The following MYT1L variants were observed in gnomAD, a reference collection of about 807,000 sequenced individuals.
MYT1L encodes the protein myelin transcription factor 1-like protein.
Under a neutral mutation model 126.7 loss-of-function variants are expected in MYT1L, and 12 were observed. The observed-to-expected ratio is 0.09, with a 90% CI of 0.06 to 0.15. The LOEUF (loss-of-function observed/expected upper bound fraction) is 0.15, where lower values mean the gene tolerates loss of function less well. Ranked by LOEUF, MYT1L falls within the 10% of genes least tolerant of loss-of-function variation. The probability of loss-of-function intolerance (pLI) is 1.00; values close to 1 mark genes in which losing one functional copy is unlikely to be tolerated. For synonymous variants in MYT1L, 541 were observed against 604.2 expected (o/e 0.90, Z 1.53); for missense variants, 979 against 1,585.2 (o/e 0.62, Z 6.49).
chr2:2,219,348 G>A (rs1430447347), intron 2 of MYT1L, among the ~76,000 whole-genome samples: 5 of 152,328 alleles, frequency 3.3e-5, no homozygotes, highest in Non-Finnish European at 7.4e-5. Flanking sequence ...GTTAAGGTGA[G>A]ACACTGCCTC....
intron 14 of MYT1L, among the ~76,000 whole-genome samples, chr2:1,895,472 C>T (rs779643565): frequency 6.6e-6 from 1 of 152,186 alleles, no homozygotes; most frequent in Non-Finnish European, 1.5e-5. Context: ...GATAAGGCTA[C>T]AGTAACCAAA....
intron 9 of MYT1L, among the ~76,000 whole-genome samples, chr2:1,937,286 G>C (rs1232096117): frequency 6.6e-6 from 1 of 152,250 alleles, no homozygotes; most frequent in African/African-American, 2.4e-5. Context: ...CGCACATCAA[G>C]AAGTTCCTAA....
chr2:2,032,518 A>G (rs2066443330), intron 4 of MYT1L, among the ~76,000 whole-genome samples: 1 of 143,568 alleles, frequency 7.0e-6, no homozygotes, highest in African/African-American at 2.6e-5. Flanking sequence ...GGCCCAGAGA[A>G]GATTCTAGAA....
intron 4 of MYT1L, among the ~76,000 whole-genome samples, chr2:2,024,792 A>AGGTGTTCT (rs1342844268): frequency 2.6e-5 from 4 of 152,194 alleles, no homozygotes; most frequent in Non-Finnish European, 5.9e-5. Context: ...AATATCATCA[A>AGGTGTTCT]GGTGTTCTCA....
At chr2:2,047,700 TACA>T (rs1250647587) in intron 4 of MYT1L, among the ~76,000 whole-genome samples, 1 of 152,228 alleles carries the variant, frequency 6.6e-6, no homozygotes, top group East Asian at 1.9e-4. Context: ...GAAGTCTACA[TACA>T]ACAAGCTTAA....
intron 4 of MYT1L, among the ~76,000 whole-genome samples, chr2:1,998,576 G>T (rs2062077240): frequency 6.6e-6 from 1 of 152,162 alleles, no homozygotes; most frequent in Non-Finnish European, 1.5e-5. Flanking sequence ...GTTAATAAGG[G>T]ATGGAGCATG....
chr2:1,969,223 G>A (rs1027784035), intron 8 of MYT1L, among the ~76,000 whole-genome samples: 5 of 152,170 alleles, frequency 3.3e-5, no homozygotes, highest in East Asian at 3.9e-4. Flanking sequence ...CGGGGGATGC[G>A]GGCAGGTGGG....
At position 1,912,136 on chromosome 2, in the gene MYT1L, A is replaced by G. The variant is rs767327581; in HGVS notation, c.1619-26T>C. On this transcript the variant is annotated intron_variant, in intron 11 of 24. Transcript: ENST00000647738. The surrounding 1 kb of genome is among the most constrained non-coding windows in gnomAD (Gnocchi z 4.3). ...CTTGACAGGGAGAGGCAAAGAGAAC[A>G]GCCAGTGTTAAAACAGAGGCACGGT... The G allele has an allele frequency of 3.3e-6, 5 of 1,526,038 alleles. No individual in the cohort carries two copies. The highest frequency in any genetic ancestry group is 4.5e-6 in the Non-Finnish European group (5 of 1,115,358). 94.5% of individuals were successfully genotyped at this position (1,526,038 alleles called of 1,614,324 possible).
At chr2:2,242,183 A>G (rs1444255253) in intron 2 of MYT1L, among the ~76,000 whole-genome samples, 1 of 152,234 alleles carries the variant, frequency 6.6e-6, no homozygotes, top group East Asian at 1.9e-4. Flanking sequence ...GAAGCTTAAA[A>G]GGTAAAACAT....
intron 2 of MYT1L, among the ~76,000 whole-genome samples, chr2:2,212,205 T>G (rs1320691630): frequency 1.4e-5 from 2 of 145,868 alleles, no homozygotes; most frequent in African/African-American, 5.1e-5. Flanking sequence ...CTGATACCTT[T>G]GAATCCCCTG....
chr2:1,935,396 T>C (rs925021922), intron 9 of MYT1L, among the ~76,000 whole-genome samples: 7 of 152,202 alleles, frequency 4.6e-5, no homozygotes, highest in Non-Finnish European at 1.0e-4. Context: ...AGCCTTAATA[T>C]ACATGATATA....
intron 2 of MYT1L, among the ~76,000 whole-genome samples, chr2:2,211,862 A>G (rs1211590017): frequency 6.6e-6 from 1 of 151,806 alleles, no homozygotes; most frequent in African/African-American, 2.4e-5. Flanking sequence ...AGAACATTAT[A>G]ACAAGCAGAA....
chr2:2,252,872 A>G (rs1377858014), intron 2 of MYT1L, among the ~76,000 whole-genome samples: 1 of 152,188 alleles, frequency 6.6e-6, no homozygotes, highest in Admixed American at 6.5e-5. Context: ...TCTGGGGCCT[A>G]TAACTTTGTA....
rs752875350 is a variant in MYT1L, at chr2:1,943,377, A to C, written c.153-43T>G. The C allele has an allele frequency of 4.0e-6, 6 of 1,486,790 alleles. No individual in the cohort carries two copies. The East Asian group carries it at 1.5e-4, about 36-fold the overall frequency. The allele number at this position is 1,486,790 out of a possible 1,614,324, so 92.1% of individuals were successfully genotyped here. ...GAAGGCAGGGGAGAGAGAGAAAAAAAATATCTGTGTTACTGTCTTTTAAAA... is the reference window on the plus strand; with the variant it reads ...GAAGGCAGGGGAGAGAGAGAAAAAACATATCTGTGTTACTGTCTTTTAAAA... On this transcript the variant is annotated intron_variant, in intron 8 of 24. Transcript: ENST00000647738. This position sits in a 1 kb window ranked among gnomAD's most constrained non-coding sequence, Gnocchi z 4.4.
At chr2:2,263,171 T>G (rs2095031974) in intron 2 of MYT1L, among the ~76,000 whole-genome samples, 1 of 151,766 alleles carries the variant, frequency 6.6e-6, no homozygotes. Context: ...TGCAACTTCC[T>G]TTTTTGATGA....
rs199861472 is a variant in MYT1L, at chr2:2,209,649, AT to A, written c.-420-36662del. The stretch of plus-strand genomic sequence containing the variant: ...ATATTTTTAAATTTTTAATTAAAAA[AT>A]ATATGTATGCATATGTATGCCACAT... On this transcript the variant is annotated intron_variant, in intron 2 of 24. Transcript: ENST00000647738. 2.8e-3 allele frequency among the ~76,000 whole-genome samples: 424 copies of A among 152,338 alleles called. 1 individual carries two copies. Among genetic ancestry groups the A allele is most frequent in the Non-Finnish European group, 3.8e-3 (261 of 68,032 alleles).
At chr2:2,297,183 G>T (rs569616755) in intron 1 of MYT1L, among the ~76,000 whole-genome samples, 5 of 152,210 alleles carry the variant, frequency 3.3e-5, no homozygotes, top group Admixed American at 3.3e-4. Flanking sequence ...ACCCTCACCC[G>T]TGGCGCCGCT....
intron 21 of MYT1L, among the ~76,000 whole-genome samples, chr2:1,810,420 A>T (rs1306432311): frequency 6.6e-6 from 1 of 152,136 alleles, no homozygotes; most frequent in Non-Finnish European, 1.5e-5. Flanking sequence ...GATTACAGGC[A>T]TGAGCCACCG....
At chr2:2,259,749 C>A (rs547037916) in intron 2 of MYT1L, among the ~76,000 whole-genome samples, 3 of 152,148 alleles carry the variant, frequency 2.0e-5, no homozygotes, top group South Asian at 2.1e-4. Context: ...GTCATCCCGA[C>A]GGCAGATGGG....
Sources: allele counts gnomAD v4.1 joint callset (sites outside exome capture counted in the v4.1 genomes callset), GRCh38; gene constraint gnomAD v4.1.1; non-coding constraint Gnocchi (gnomAD v3.1); transcripts MANE v1.5; gene names NCBI Gene and HGNC (gene_info 2026-07-23, HGNC 2026-07-21).